The following ARID5B variants were observed in gnomAD, a reference collection of about 807,000 sequenced individuals.
ARID5B encodes the protein AT-rich interactive domain-containing protein 5B.
ARID5B carries 13 observed loss-of-function variants against 97.2 expected under a neutral mutation model. The ratio of observed to expected loss-of-function variants is 0.13; its 90% confidence interval spans 0.09 to 0.21. The LOEUF is 0.21. Ranked by LOEUF, ARID5B falls within the 10% of genes least tolerant of loss-of-function variation. The pLI, the probability that ARID5B is intolerant of heterozygous loss-of-function variation, is 1.00. For synonymous variants in ARID5B, 556 were observed against 570.3 expected (o/e 0.97, Z 0.36); for missense variants, 1,210 against 1,465.3 (o/e 0.83, Z 2.84).
At chr10:61,984,487 C>T (rs919967295) in intron 3 of ARID5B, among the ~76,000 whole-genome samples, 2 of 152,212 alleles carry the variant, frequency 1.3e-5, no homozygotes, top group South Asian at 2.1e-4. Flanking sequence ...CTTGAAGAGA[C>T]TTCATCTGGA....
At chr10:61,953,247 G>A (rs1279903440) in intron 3 of ARID5B, among the ~76,000 whole-genome samples, 1 of 152,170 alleles carries the variant, frequency 6.6e-6, no homozygotes, top group South Asian at 2.1e-4. Context: ...AATGCTTCAT[G>A]CCTGGCCTAT....
chr10:62,068,576 A>G (rs1840023069), intron 7 of ARID5B, among the ~76,000 whole-genome samples: 1 of 149,804 alleles, frequency 6.7e-6, no homozygotes, highest in South Asian at 2.1e-4. Flanking sequence ...CCCCTTGGTG[A>G]ACTCCGCTGG....
intron 4 of ARID5B, among the ~76,000 whole-genome samples, chr10:62,023,787 C>G (rs909186430): frequency 6.6e-6 from 1 of 152,190 alleles, no homozygotes; most frequent in African/African-American, 2.4e-5. Flanking sequence ...AATCAAGCCA[C>G]AAATATTTAT....
intron 4 of ARID5B, among the ~76,000 whole-genome samples, chr10:62,012,936 G>T (rs964468322): frequency 6.6e-6 from 1 of 152,022 alleles, no homozygotes; most frequent in Non-Finnish European, 1.5e-5. Flanking sequence ...TTGCTGTTAT[G>T]TATAATATAT....
At chr10:62,012,438 C>G (rs1362586433) in intron 4 of ARID5B, among the ~76,000 whole-genome samples, 1 of 152,168 alleles carries the variant, frequency 6.6e-6, no homozygotes, top group Non-Finnish European at 1.5e-5. Context: ...GTGGGAGGAT[C>G]ATTTGAGCCT....
intron 3 of ARID5B, among the ~76,000 whole-genome samples, chr10:61,991,371 T>C (rs1469688843): frequency 2.6e-5 from 4 of 152,182 alleles, no homozygotes; most frequent in African/African-American, 9.7e-5. Context: ...TTTTTTCTTT[T>C]CATTTTTATA....
intron 2 of ARID5B, among the ~76,000 whole-genome samples, chr10:61,930,832 C>T (rs1844197314): frequency 6.6e-6 from 1 of 152,188 alleles, no homozygotes; most frequent in African/African-American, 2.4e-5. Flanking sequence ...TCCCTCTTCA[C>T]ATCTCCTTTT....
At chr10:62,008,511 G>A (rs74442275) in intron 4 of ARID5B, among the ~76,000 whole-genome samples, 7,534 of 152,284 alleles carry the variant, frequency 0.049, 307 homozygotes, top group African/African-American at 0.12. Context: ...AGAGATTGGC[G>A]TGTTGGGAAG....
At chr10:62,060,153 T>C (rs1418940338) in intron 7 of ARID5B, among the ~76,000 whole-genome samples, 2 of 152,182 alleles carry the variant, frequency 1.3e-5, no homozygotes, top group Non-Finnish European at 2.9e-5. Context: ...CTCTGTACCA[T>C]AGTAAAATGA....
intron 7 of ARID5B, among the ~76,000 whole-genome samples, chr10:62,062,662 T>C (rs1257353107): frequency 1.3e-5 from 2 of 152,122 alleles, no homozygotes; most frequent in African/African-American, 4.8e-5. Flanking sequence ...CAAGTATTTT[T>C]GCATTTGGTA....
intron 7 of ARID5B, among the ~76,000 whole-genome samples, chr10:62,060,474 G>A (rs907104965): frequency 6.6e-6 from 1 of 152,130 alleles, no homozygotes; most frequent in Admixed American, 6.5e-5. Flanking sequence ...TATAAAATGT[G>A]CATTTCATAT....
intron 5 of ARID5B, among the ~76,000 whole-genome samples, chr10:62,056,051 A>C (rs1228814462): frequency 2.0e-5 from 3 of 152,198 alleles, no homozygotes; most frequent in Non-Finnish European, 4.4e-5. Context: ...ACTTGAACTC[A>C]GAGTCTGACC....
rs537527654 is a variant in ARID5B at position 62,036,614 on chromosome 10, C to T, written c.734-14274C>T. ...ATGAACACAGTGGGAATGTCCTTGTCAGCTCCCATTTGACTTTATTAATTA... is the reference window on the plus strand; with the variant it reads ...ATGAACACAGTGGGAATGTCCTTGTTAGCTCCCATTTGACTTTATTAATTA... On this transcript the variant is annotated intron_variant, in intron 4 of 9. Coordinates refer to ENST00000279873, the MANE Select transcript of ARID5B (RefSeq NM_032199.3). Among the ~76,000 whole-genome samples, 266 of 152,328 alleles carry T rather than the reference C, an allele frequency of 1.7e-3. 1 individual carries two copies. The highest frequency in any genetic ancestry group is 3.4e-3 in the Middle Eastern group (1 of 294).
At chr10:62,088,720 T>C (rs1168193106) in intron 9 of ARID5B, among the ~76,000 whole-genome samples, 2 of 152,242 alleles carry the variant, frequency 1.3e-5, no homozygotes, top group East Asian at 3.8e-4. Context: ...AGGTGTATTT[T>C]TTCTCATTAA....
chr10:61,992,566 T>C (rs150836927), intron 3 of ARID5B, among the ~76,000 whole-genome samples: 53 of 152,364 alleles, frequency 3.5e-4, no homozygotes, highest in African/African-American at 1.2e-3. Flanking sequence ...TTCTTTGTTT[T>C]GTTTGCATCC....
chr10:61,940,284 T>A lies in ARID5B; in HGVS notation c.378T>A (p.Ala126=). Reference sequence around the variant, plus strand: ...CCAAGTGGAGATGTGGCTTCCACGCTGGACCAGTGAAAACTGAGGCCTTGG... The same window carrying A: ...CCAAGTGGAGATGTGGCTTCCACGCAGGACCAGTGAAAACTGAGGCCTTGG... The part of the protein sequence containing the change: ...DFSKWRCGFH[A]GPVKTEALGR... Residue 126 remains alanine (A), a synonymous_variant, in exon 3 of 10, where the codon GCT becomes GCA. Transcript: ENST00000279873. 6.2e-7 allele frequency: 1 copy of A among 1,614,220 alleles called. No individual in the cohort carries two copies. Among genetic ancestry groups the A allele is most frequent in the East Asian group, 2.2e-5 (1 of 44,884 alleles).
chr10:61,981,384 C>T (rs1384020707), intron 3 of ARID5B, among the ~76,000 whole-genome samples: 3 of 152,054 alleles, frequency 2.0e-5, no homozygotes, highest in East Asian at 1.9e-4. Context: ...CGGGTTCAAG[C>T]GATTCTCCTG....
At chr10:62,019,110 C>T (rs896194485) in intron 4 of ARID5B, among the ~76,000 whole-genome samples, 11 of 152,126 alleles carry the variant, frequency 7.2e-5, no homozygotes, top group Non-Finnish European at 1.6e-4. Context: ...GCTCTGGATT[C>T]AGCAATTATT....
intron 6 of ARID5B, among the ~76,000 whole-genome samples, chr10:62,058,958 CT>C (rs1452816387): frequency 1.3e-5 from 2 of 152,190 alleles, no homozygotes; most frequent in South Asian, 4.1e-4. Context: ...TTTAGCTTCT[CT>C]TGCTCTGCTG....
Sources: allele counts gnomAD v4.1 joint callset (sites outside exome capture counted in the v4.1 genomes callset), GRCh38; gene constraint gnomAD v4.1.1; transcripts MANE v1.5; gene names NCBI Gene and HGNC (gene_info 2026-07-23, HGNC 2026-07-21).